Variants in ZFAND3 observed in about 807,000 individuals in gnomAD.
ZFAND3 encodes AN1-type zinc finger protein 3.
A neutral mutation model predicts 29.6 loss-of-function variants in ZFAND3; 10 were observed. The ratio of observed to expected loss-of-function variants is 0.34; its 90% CI spans 0.21 to 0.57. The LOEUF (loss-of-function observed/expected upper bound fraction) is 0.57. ZFAND3 is among the 20% of genes least tolerant of loss of function. The pLI is 0.86. For missense variants in ZFAND3, 230 were observed against 304.5 expected (o/e 0.76, Z 1.82); for synonymous variants, 128 against 112.6 (o/e 1.14, Z -0.87).
intron 5 of ZFAND3, among the ~76,000 whole-genome samples, chr6:38,131,026 G>C (rs1765732077): frequency 6.6e-6 from 1 of 152,100 alleles, no homozygotes; most frequent in African/African-American, 2.4e-5. Context: ...TCTTCCTGAT[G>C]TAAGCTAGGA....
intron 2 of ZFAND3, among the ~76,000 whole-genome samples, chr6:37,988,130 A>G (rs935174657): frequency 3.3e-5 from 5 of 152,236 alleles, no homozygotes; most frequent in Admixed American, 6.5e-5. Context: ...AATTTTGCCA[A>G]TAAGTAGAAA....
At chr6:37,942,717 A>G (rs935096763) in intron 2 of ZFAND3, among the ~76,000 whole-genome samples, 1 of 152,194 alleles carries the variant, frequency 6.6e-6, no homozygotes, top group African/African-American at 2.4e-5. Flanking sequence ...CCAAATATTT[A>G]TAGCACAGAT....
At chr6:38,117,405 CT>C (rs898195168) in intron 5 of ZFAND3, among the ~76,000 whole-genome samples, 1 of 151,826 alleles carries the variant, frequency 6.6e-6, no homozygotes, top group African/African-American at 2.4e-5. Flanking sequence ...AGTGTAATAC[CT>C]TTTAGAATTG....
chr6:37,973,185 TCCCA>T (rs1762420094), intron 2 of ZFAND3, among the ~76,000 whole-genome samples: 2 of 152,126 alleles, frequency 1.3e-5, no homozygotes, highest in African/African-American at 4.8e-5. Context: ...CAACTTTGAG[TCCCA>T]TAGATGATTG....
intron 1 of ZFAND3, among the ~76,000 whole-genome samples, chr6:37,902,737 C>CTTTTTTTTTTTT (rs11448512): frequency 4.0e-5 from 4 of 100,414 alleles, no homozygotes; most frequent in African/African-American, 1.2e-4. Context: ...CTTTTACTTA[C>CTTTTTTTTTTTT]TTTTTTTTTT....
chr6:38,103,363 TATATAC>T, intron 4 of ZFAND3, among the ~76,000 whole-genome samples: 1 of 147,914 alleles, frequency 6.8e-6, no homozygotes, highest in Non-Finnish European at 1.5e-5. Context: ...TATATATATA[TATATAC>T]ACACAATATA....
rs1462871512 is a variant in ZFAND3 at position 38,133,524 on chromosome 6, C to T, written c.529+16785C>T. On this transcript the variant is annotated intron_variant, in intron 5 of 5. Transcript: ENST00000287218. Reference sequence around the variant, plus strand: ...CAGCACTTTGGGAGGCCGAGGCGGGCGGATCATGAGGTCAAGAGATCAAGA... The same window carrying T: ...CAGCACTTTGGGAGGCCGAGGCGGGTGGATCATGAGGTCAAGAGATCAAGA... Among the ~76,000 whole-genome samples the T allele has an allele frequency of 4.6e-5, 7 of 152,044 alleles. No homozygotes were observed. The South Asian group carries it at 8.3e-4, about 18-fold the overall frequency.
chr6:38,033,114 G>A (rs551026115), intron 2 of ZFAND3, among the ~76,000 whole-genome samples: 14 of 152,264 alleles, frequency 9.2e-5, no homozygotes, highest in Admixed American at 8.5e-4. Flanking sequence ...TAACCAAAAT[G>A]GCTGCAAGTA....
At chr6:37,992,117 T>G (rs1357326798) in intron 2 of ZFAND3, among the ~76,000 whole-genome samples, 3 of 152,244 alleles carry the variant, frequency 2.0e-5, no homozygotes, top group Non-Finnish European at 4.4e-5. Flanking sequence ...GTAACAAGTT[T>G]GGGAACTGTG....
chr6:38,051,185 A>C (rs1385070262), intron 2 of ZFAND3, among the ~76,000 whole-genome samples: 2 of 152,146 alleles, frequency 1.3e-5, no homozygotes, highest in Non-Finnish European at 2.9e-5. Context: ...TCCCAGTCCC[A>C]CCACCATCCT....
chr6:37,957,596 G>A (rs1762106832), intron 2 of ZFAND3, among the ~76,000 whole-genome samples: 1 of 151,978 alleles, frequency 6.6e-6, no homozygotes, highest in Admixed American at 6.6e-5. Context: ...CAGAACATTT[G>A]GCTGTAGTAT....
At chr6:38,072,555 A>G (rs1434198350) in intron 3 of ZFAND3, among the ~76,000 whole-genome samples, 3 of 152,134 alleles carry the variant, frequency 2.0e-5, no homozygotes, top group Non-Finnish European at 2.9e-5. Flanking sequence ...TGCACTCGTC[A>G]TATTTTTATT....
At chr6:37,986,939 CA>C (rs1762681638) in intron 2 of ZFAND3, among the ~76,000 whole-genome samples, 1 of 152,066 alleles carries the variant, frequency 6.6e-6, no homozygotes, top group African/African-American at 2.4e-5. Context: ...ACAGGGAATA[CA>C]AAGATAAGTA....
At chr6:38,113,080 A>G (rs1159868929) in intron 4 of ZFAND3, among the ~76,000 whole-genome samples, 3 of 152,218 alleles carry the variant, frequency 2.0e-5, no homozygotes, top group African/African-American at 7.2e-5. Context: ...ACAGATCTTC[A>G]TCTAGGGAAG....
intron 4 of ZFAND3, among the ~76,000 whole-genome samples, chr6:38,089,767 G>A (rs1213552422): frequency 6.6e-6 from 1 of 152,138 alleles, no homozygotes; most frequent in Non-Finnish European, 1.5e-5. Context: ...AGAGAGTTGT[G>A]TCAGTGGCTA....
intron 1 of ZFAND3, among the ~76,000 whole-genome samples, chr6:37,899,616 A>G (rs1046593493): frequency 4.6e-5 from 7 of 152,208 alleles, no homozygotes; most frequent in African/African-American, 1.7e-4. Context: ...CACTGTTTAA[A>G]TAGGATTGAT....
chr6:37,962,434 A>G (rs1762213956), intron 2 of ZFAND3, among the ~76,000 whole-genome samples: 1 of 152,216 alleles, frequency 6.6e-6, no homozygotes, highest in Non-Finnish European at 1.5e-5. Flanking sequence ...AGTTTATTCA[A>G]ATGGCAGGAA....
chr6:38,033,641 G>A (rs943337017), intron 2 of ZFAND3, among the ~76,000 whole-genome samples: 1 of 152,122 alleles, frequency 6.6e-6, no homozygotes, highest in Non-Finnish European at 1.5e-5. Context: ...AATTTTACAT[G>A]CCAATCCACA....
At chr6:37,879,837 T>G (rs566976877) in intron 1 of ZFAND3, among the ~76,000 whole-genome samples, 27 of 152,358 alleles carry the variant, frequency 1.8e-4, no homozygotes, top group Admixed American at 1.5e-3. Context: ...CTGCATTATT[T>G]TCAGGATAGC....
Sources: gnomAD v4.1 joint callset for allele counts (sites outside exome capture counted in the v4.1 genomes callset) on GRCh38, gnomAD v4.1.1 for gene constraint, MANE v1.5 for transcripts, NCBI Gene and HGNC (gene_info 2026-07-23, HGNC 2026-07-21) for gene names.